The following EPS8 variants were observed in gnomAD, a reference collection of about 807,000 sequenced individuals.
EPS8 encodes the protein epidermal growth factor receptor kinase substrate 8.
A neutral mutation model predicts 103.8 loss-of-function variants in EPS8; 42 were observed. The observed-to-expected ratio is 0.40, with a 90% CI of 0.32 to 0.52. EPS8 has a LOEUF of 0.52. Ranked by LOEUF, EPS8 falls within the 20% of genes least tolerant of loss-of-function variation. EPS8 has a pLI of 0.40. For missense variants in EPS8, 969 were observed against 1,005.1 expected, an observed-to-expected ratio of 0.96 and a Z score of 0.49; for synonymous variants, 344 against 344.6, an observed-to-expected ratio of 1.00 and a Z score of 0.02.
chr12:15,724,048 T>C (rs1440441513), intron 1 of EPS8, among the ~76,000 whole-genome samples: 1 of 152,214 alleles, frequency 6.6e-6, no homozygotes, highest in Non-Finnish European at 1.5e-5. Flanking sequence ...AGAAAAATTC[T>C]ATGGCTTCTT....
intron 20 of EPS8, 30 bp from the exon 21 acceptor site, chr12:15,621,460 T>C: frequency 7.6e-7 from 1 of 1,314,894 alleles, no homozygotes; most frequent in Non-Finnish European, 1.1e-6. Context: ...GACAAGATAG[T>C]TACTGACTTG....
intron 7 of EPS8, 150 bp from the exon 8 acceptor site, chr12:15,666,042 T>G: frequency 2.5e-6 from 2 of 784,524 alleles, no homozygotes; most frequent in East Asian, 5.6e-5. Context: ...TTATGCATAT[T>G]TATGAATGCA....
At chr12:15,670,944 G>A (rs1380153268) in intron 3 of EPS8, 21 bp from the exon 4 acceptor site, 3 of 1,593,052 alleles carry the variant, frequency 1.9e-6, no homozygotes, top group African/African-American at 2.7e-5. Flanking sequence ...AATTGAAAAA[G>A]CCATGATTTG....
intron 3 of EPS8, among the ~76,000 whole-genome samples, chr12:15,679,906 C>CA (rs1311168302): frequency 6.6e-6 from 1 of 152,018 alleles, no homozygotes; most frequent in African/African-American, 2.4e-5. Flanking sequence ...TATTCTTATC[C>CA]AAAAAATCTT....
chr12:15,723,020 AC>A (rs201330630), intron 1 of EPS8, among the ~76,000 whole-genome samples: 1 of 151,476 alleles, frequency 6.6e-6, no homozygotes, highest in African/African-American at 2.4e-5. Context: ...AAAAAAACAA[AC>A]AAAAAAAAAA....
chr12:15,722,362 C>G (rs977482375), intron 1 of EPS8, among the ~76,000 whole-genome samples: 6 of 152,002 alleles, frequency 3.9e-5, no homozygotes. Flanking sequence ...TTTCCTTGAG[C>G]CTTGAGTAGT....
intron 1 of EPS8, among the ~76,000 whole-genome samples, chr12:15,707,661 C>G (rs1174534344): frequency 6.6e-6 from 1 of 152,104 alleles, no homozygotes; most frequent in African/African-American, 2.4e-5. Context: ...CGTATTACTA[C>G]TAGTGATTTA....
At chr12:15,630,614 G>A (rs1945028065) in intron 18 of EPS8, among the ~76,000 whole-genome samples, 1 of 152,132 alleles carries the variant, frequency 6.6e-6, no homozygotes, top group African/African-American at 2.4e-5. Flanking sequence ...GAATTTGGAG[G>A]CTAAATCTGA....
intron 1 of EPS8, among the ~76,000 whole-genome samples, chr12:15,724,660 T>A (rs1946633749): frequency 6.6e-6 from 1 of 152,208 alleles, no homozygotes; most frequent in African/African-American, 2.4e-5. Context: ...GGGAGATAAC[T>A]GAATCACAAG....
At position 15,748,047 on chromosome 12, in the gene EPS8, A is replaced by C. The variant is rs142760956; in HGVS notation, c.-22+41114T>G. Among the ~76,000 whole-genome samples, 3 of 152,150 alleles carry C rather than the reference A, an allele frequency of 2.0e-5. No homozygotes were observed. The highest frequency in any genetic ancestry group is 7.2e-5 in the African/African-American group (3 of 41,484). On this transcript the variant is annotated intron_variant, in intron 1 of 20. Coordinates refer to ENST00000281172, the MANE Select transcript of EPS8 (RefSeq NM_004447.6). This position sits in a 1 kb window ranked among gnomAD's most constrained non-coding sequence, Gnocchi z 4.8. ...AATCAAAAACAAAAACAAAACAAAA[A>C]AAAGTAATGCCTCATGCATGCAAAA...
Position 15,660,640 on chromosome 12 carries a change from T to C in EPS8, c.911A>G (p.Lys304Arg), listed in dbSNP as rs1205002969. The change falls in exon 10 of 21, where the codon AAG becomes AGG. Residue 304 changes from lysine (K) to arginine (R), a missense_variant. Coordinates refer to ENST00000281172, the MANE Select transcript of EPS8 (RefSeq NM_004447.6). ...TCCTGGTCCTTTCCTTTTACCTTTC[T>C]TGTTTTTCTTCCTTTTAGAAAGCTC... ...FSELSKRKKN[K>R]KGKRKGPGEG... 2.5e-6 allele frequency: 4 copies of C among 1,579,080 alleles called. No individual in the cohort carries two copies. Among genetic ancestry groups the C allele is most frequent in the Non-Finnish European group, 3.5e-6 (4 of 1,148,486 alleles).
chr12:15,667,100 G>A (rs1945726863), intron 6 of EPS8, among the ~76,000 whole-genome samples: 1 of 152,068 alleles, frequency 6.6e-6, no homozygotes, highest in South Asian at 2.1e-4. Context: ...TTTTCTTGGG[G>A]AGCAACGTGA....
Position 15,728,488 on chromosome 12 carries a change from C to T in EPS8, c.-21-45516G>A, listed in dbSNP as rs1946679117. Among the ~76,000 whole-genome samples, 1 of 152,128 alleles carries T rather than the reference C, an allele frequency of 6.6e-6. No individual in the cohort carries two copies. Among genetic ancestry groups the T allele is most frequent in the Non-Finnish European group, 1.5e-5 (1 of 68,032 alleles). ...CTACAAAGAACCTTAGAGAATGTTA[C>T]ACAAACACAGCAACAATAATAAGGA... is the stretch of plus-strand genomic sequence containing the variant. On this transcript the variant is annotated intron_variant, in intron 1 of 20. Coordinates refer to ENST00000281172, the MANE Select transcript of EPS8 (RefSeq NM_004447.6). This position sits in a 1 kb window ranked among gnomAD's most constrained non-coding sequence, Gnocchi z 4.5.
At position 15,650,860 on chromosome 12, in the gene EPS8, T is replaced by A. The variant is rs773440965; in HGVS notation, c.1397A>T (p.His466Leu). 1 of 1,614,138 alleles carries A rather than the reference T, an allele frequency of 6.2e-7. No homozygotes were observed. The highest frequency in any genetic ancestry group is 1.7e-5 in the Admixed American group (1 of 60,032). The change falls in exon 14 of 21, where the codon CAT (histidine) becomes CTT (leucine). Residue 466 changes from histidine to leucine, a missense_variant. By Grantham distance (99) the His-to-Leu change is moderately conservative. Transcript: ENST00000281172. ...LAESVANVAE[H>L]QRKQEIKRLS... ...TCTTTTTATTTCCTGTTTGCGCTGA[T>A]GTTCTGCTACATTTGCCACAGATTC...
chr12:15,636,835 T>A (rs1308933943), intron 17 of EPS8, among the ~76,000 whole-genome samples: 1 of 152,146 alleles, frequency 6.6e-6, no homozygotes, highest in African/African-American at 2.4e-5. Context: ...TAATGAACAA[T>A]ACCATGAAAT....
Position 15,693,562 on chromosome 12 carries a change from G to A in EPS8, c.-21-10590C>T, listed in dbSNP as rs1946202665. Among the ~76,000 whole-genome samples, 1 of 152,218 alleles carries A rather than the reference G, an allele frequency of 6.6e-6. No homozygotes were observed. The highest frequency in any genetic ancestry group is 2.4e-5 in the African/African-American group (1 of 41,468). On this transcript the variant is annotated intron_variant, in intron 1 of 20. Transcript: ENST00000281172. The surrounding 1 kb of genome is among the most constrained non-coding windows in gnomAD (Gnocchi z 5.6). ...TCAATAGTAGCTTAGGTTTCAGCAT[G>A]TAAGGACTTCTAGGTTAATCACAAT...
chr12:15,683,246 CAT>C, intron 1 of EPS8: 1 of 211,328 alleles, frequency 4.7e-6, no homozygotes, highest in Non-Finnish European at 9.2e-6. Flanking sequence ...GTTCTCAAAG[CAT>C]ATAGACATAA....
At chr12:15,718,674 T>C (rs1225082120) in intron 1 of EPS8, among the ~76,000 whole-genome samples, 1 of 152,206 alleles carries the variant, frequency 6.6e-6, no homozygotes, top group Non-Finnish European at 1.5e-5. Flanking sequence ...TCTCATATTC[T>C]ACCAAATCAG....
At chr12:15,782,888 T>A (rs540100883) in intron 1 of EPS8, among the ~76,000 whole-genome samples, 1 of 152,352 alleles carries the variant, frequency 6.6e-6, no homozygotes, top group Admixed American at 6.5e-5. Flanking sequence ...GTGATGTTAA[T>A]CATCTCTGCG....
Sources: allele counts gnomAD v4.1 joint callset (sites outside exome capture counted in the v4.1 genomes callset), GRCh38; gene constraint gnomAD v4.1.1; non-coding constraint Gnocchi (gnomAD v3.1); transcripts MANE v1.5; gene names NCBI Gene and HGNC (gene_info 2026-07-23, HGNC 2026-07-21).